The following MDGA2 variants were observed in gnomAD, a reference collection of about 807,000 sequenced individuals.
MDGA2 encodes the protein MAM domain-containing glycosylphosphatidylinositol anchor protein 2.
Under a neutral mutation model 117.8 loss-of-function variants are expected in MDGA2, and 40 were observed. The ratio of observed to expected loss-of-function variants is 0.34; its 90% CI spans 0.26 to 0.44. The LOEUF (loss-of-function observed/expected upper bound fraction) is 0.44, where lower values mean the gene tolerates loss of function less well. Ranked by LOEUF, MDGA2 falls within the 20% of genes least tolerant of loss-of-function variation. The pLI is 1.00. For missense variants in MDGA2, 1,123 were observed against 1,250.6 expected (o/e 0.90, Z 1.54); for synonymous variants, 452 against 439.0 (o/e 1.03, Z -0.37).
chr14:46,871,952 A>T lies in MDGA2; in HGVS notation c.2752+1481T>A, dbSNP rs758197717. ...TCCTTGAGACCAGCCTGGGCAACAT[A>T]GCAAGAGCCTGTCTCATAAAAAATA... On this transcript the variant is annotated intron_variant, in intron 14 of 16. Coordinates refer to ENST00000399232, the MANE Select transcript of MDGA2 (RefSeq NM_001113498.3). 9 of 314,644 alleles carry T rather than the reference A, an allele frequency of 2.9e-5. No homozygotes were observed. In the Middle Eastern group the frequency reaches 3.7e-3, roughly 128 times the overall value. The allele number at this position is 314,644 out of a possible 1,614,324, so 19.5% of individuals were successfully genotyped here.
intron 1 of MDGA2, among the ~76,000 whole-genome samples, chr14:47,538,149 A>G (rs1288161586): frequency 6.6e-6 from 1 of 152,228 alleles, no homozygotes; most frequent in East Asian, 1.9e-4. Context: ...AAACAAATGT[A>G]TGATGTTTCG....
chr14:47,610,161 A>ATC (rs1896821239), intron 1 of MDGA2, among the ~76,000 whole-genome samples: 1 of 152,154 alleles, frequency 6.6e-6, no homozygotes, highest in Non-Finnish European at 1.5e-5. Context: ...CATAAAAGGG[A>ATC]TATACCTCAA....
chr14:47,334,222 G>A (rs1249172193), intron 1 of MDGA2, among the ~76,000 whole-genome samples: 1 of 151,770 alleles, frequency 6.6e-6, no homozygotes, highest in Non-Finnish European at 1.5e-5. Context: ...ATCTAGAGTT[G>A]AGATATATCA....
intron 10 of MDGA2, among the ~76,000 whole-genome samples, chr14:46,907,700 TAG>T (rs1883551139): frequency 6.6e-6 from 1 of 152,196 alleles, no homozygotes; most frequent in African/African-American, 2.4e-5. Context: ...GCCATCTCCT[TAG>T]AGAGGCATTC....
At chr14:46,962,272 T>A (rs1287019028) in intron 8 of MDGA2, among the ~76,000 whole-genome samples, 3 of 152,190 alleles carry the variant, frequency 2.0e-5, no homozygotes, top group Non-Finnish European at 4.4e-5. Context: ...CAAGAATGGA[T>A]AACCACATCA....
intron 8 of MDGA2, among the ~76,000 whole-genome samples, chr14:46,976,209 A>G (rs575027644): frequency 1.3e-5 from 2 of 152,270 alleles, no homozygotes; most frequent in South Asian, 4.1e-4. Flanking sequence ...TTGAGATGGC[A>G]AATTTTATAT....
chr14:47,354,274 C>T (rs1890944951), intron 1 of MDGA2, among the ~76,000 whole-genome samples: 1 of 152,182 alleles, frequency 6.6e-6, no homozygotes, highest in Non-Finnish European at 1.5e-5. Context: ...TTCTATTCAA[C>T]ATATAACCCA....
At chr14:46,858,428 C>CTTTTTTTTTTTTTTTTTTTTTTTTT (rs71112466) in intron 14 of MDGA2, among the ~76,000 whole-genome samples, 8 of 123,832 alleles carry the variant, frequency 6.5e-5, no homozygotes, top group East Asian at 2.3e-4. Flanking sequence ...TTCTTTTTTT[C>CTTTTTTTTTTTTTTTTTTTTTTTTT]TTTTTTTTTT....
intron 2 of MDGA2, among the ~76,000 whole-genome samples, chr14:47,249,831 T>C (rs1478037628): frequency 1.3e-5 from 2 of 152,212 alleles, no homozygotes; most frequent in Non-Finnish European, 2.9e-5. Context: ...AGATTCTTCT[T>C]TGTATTTCTT....
At chr14:47,537,803 A>G (rs2180095) in intron 1 of MDGA2, among the ~76,000 whole-genome samples, 114,483 of 151,762 alleles carry the variant, frequency 0.75, 43,598 homozygotes, top group East Asian at 1. Context: ...TCCAGGGTTC[A>G]CTGCATTTCA....
chr14:46,925,631 C>CAA lies in MDGA2; in HGVS notation c.2090-5473_2090-5472dup, dbSNP rs34889177. ...TGGAAGACAAAGCAAGACTCTACCTCAAAAAAAAAAAAAAAAAAAAAGGAA... is the reference window on the plus strand; with the variant it reads ...TGGAAGACAAAGCAAGACTCTACCTCAAAAAAAAAAAAAAAAAAAAAAAGGAA... On this transcript the variant is annotated intron_variant, in intron 9 of 16. Transcript: ENST00000399232. 8.2e-4 allele frequency among the ~76,000 whole-genome samples: 53 copies of CAA among 64,566 alleles called. No individual in the cohort carries two copies. In the East Asian group the frequency reaches 0.012, roughly 14 times the overall value. The allele number at this position is 64,566 out of a possible 152,430, so 42.4% of individuals were successfully genotyped here.
chr14:47,291,708 C>T (rs545375798), intron 2 of MDGA2, among the ~76,000 whole-genome samples: 83 of 152,262 alleles, frequency 5.5e-4, no homozygotes, highest in Non-Finnish European at 9.4e-4. Context: ...AAGGGAATAT[C>T]GTACTGCACA....
At chr14:47,230,192 C>T (rs1886642426) in intron 2 of MDGA2, among the ~76,000 whole-genome samples, 2 of 152,016 alleles carry the variant, frequency 1.3e-5, no homozygotes, top group South Asian at 4.1e-4. Flanking sequence ...TTCCAGTGTG[C>T]TCTACTACAG....
chr14:47,231,555 A>G (rs1019799553), intron 2 of MDGA2, among the ~76,000 whole-genome samples: 1 of 152,046 alleles, frequency 6.6e-6, no homozygotes, highest in African/African-American at 2.4e-5. Flanking sequence ...GTGAGCACAC[A>G]TTATTAAATT....
At chr14:47,459,654 T>C (rs1893442630) in intron 1 of MDGA2, among the ~76,000 whole-genome samples, 1 of 152,034 alleles carries the variant, frequency 6.6e-6, no homozygotes, top group South Asian at 2.1e-4. Context: ...AGGAGACAGT[T>C]GTAACAGGAT....
At chr14:46,931,713 G>A (rs1474141132) in intron 9 of MDGA2, among the ~76,000 whole-genome samples, 1 of 151,680 alleles carries the variant, frequency 6.6e-6, no homozygotes, top group Non-Finnish European at 1.5e-5. Context: ...AGTAGAGACG[G>A]GGTTTCGCCA....
chr14:47,260,408 G>A (rs189671116), intron 2 of MDGA2, among the ~76,000 whole-genome samples: 6 of 152,154 alleles, frequency 3.9e-5, no homozygotes, highest in Admixed American at 3.9e-4. Flanking sequence ...TAAGCAGGAG[G>A]TGGAATCTTT....
intron 3 of MDGA2, among the ~76,000 whole-genome samples, chr14:47,163,710 G>C (rs1353901068): frequency 6.6e-6 from 1 of 152,158 alleles, no homozygotes; most frequent in African/African-American, 2.4e-5. Flanking sequence ...TTCAGCACGA[G>C]GAGGAAAACA....
chr14:47,145,547 A>G (rs1245180671), intron 3 of MDGA2, among the ~76,000 whole-genome samples: 1 of 152,172 alleles, frequency 6.6e-6, no homozygotes, highest in African/African-American at 2.4e-5. Flanking sequence ...AACTTAGTAT[A>G]TACTTTAAGT....
Sources: allele counts gnomAD v4.1 joint callset (sites outside exome capture counted in the v4.1 genomes callset), GRCh38; gene constraint gnomAD v4.1.1; transcripts MANE v1.5; gene names NCBI Gene and HGNC (gene_info 2026-07-23, HGNC 2026-07-21).